NOS1: variants seen among roughly 807,000 people sequenced by gnomAD.
NOS1 encodes the protein nitric oxide synthase 1.
NOS1 carries 51 observed loss-of-function variants against 164.5 expected under a neutral mutation model. That is an observed-to-expected ratio of 0.31 (90% CI 0.25 to 0.39). NOS1 has a LOEUF of 0.39. Ranked by LOEUF, NOS1 falls within the 10% of genes least tolerant of loss-of-function variation. The pLI, the probability that NOS1 is intolerant of heterozygous loss-of-function variation, is 1.00. For missense variants in NOS1, 1,362 were observed against 1,885.6 expected (o/e 0.72, Z 5.14); for synonymous variants, 719 against 745.8 (o/e 0.96, Z 0.59).
At chr12:117,333,377 C>T (rs2136077338) in intron 1 of NOS1, among the ~76,000 whole-genome samples, 1 of 152,308 alleles carries the variant, frequency 6.6e-6, no homozygotes, top group East Asian at 1.9e-4. Context: ...CCATGACTAA[C>T]AAACTGACAC....
At chr12:117,248,487 A>G (rs1273587492) in intron 17 of NOS1, among the ~76,000 whole-genome samples, 1 of 151,482 alleles carries the variant, frequency 6.6e-6, no homozygotes, top group Admixed American at 6.6e-5. Context: ...GAGAATGATG[A>G]TTTCCAATTT....
At position 117,213,337 on chromosome 12, in the gene NOS1, T is replaced by C; in HGVS notation, c.*1972A>G. 1.0e-6 allele frequency: 1 copy of C among 985,504 alleles called. No homozygotes were observed. The highest frequency in any genetic ancestry group is 1.2e-6 in the Non-Finnish European group (1 of 829,978). 61.0% of individuals were successfully genotyped at this position (985,504 alleles called of 1,614,324 possible). ...GGGTTTGCAGGAAAGGAGTTTAGAATGGGCTTCCCTTCAGGATTAGAAGGG... is the reference window on the plus strand; with the variant it reads ...GGGTTTGCAGGAAAGGAGTTTAGAACGGGCTTCCCTTCAGGATTAGAAGGG... On this transcript the variant is annotated 3_prime_UTR_variant, in exon 29 of 29. Coordinates refer to ENST00000317775, the MANE Select transcript of NOS1 (RefSeq NM_000620.5).
chr12:117,225,133 G>T lies in NOS1; in HGVS notation c.3709C>A (p.Pro1237Thr), dbSNP rs1310060472. Residue 1237 changes from proline (P) to threonine (T), a missense_variant, in exon 25 of 29, where the codon CCC becomes ACC. Around this residue, in one of 4 missense-constraint regions of NOS1, gnomAD observed 737 missense variants for 1,030.3 expected, o/e 0.72. Transcript: ENST00000317775. ...GGGTTCCGGGGCAGGTGGAAGCTGG[G>T]TGCTCTGGGCAAGGAAGAGGGGGTC... ...ELVPCFVRGA[P>T]SFHLPRNPQV... The T allele has an allele frequency of 6.2e-7, 1 of 1,612,098 alleles. No homozygotes were observed. The highest frequency in any genetic ancestry group is 2.2e-5 in the East Asian group (1 of 44,888).
chr12:117,253,605 C>A (rs1182398588), intron 17 of NOS1, 33 bp downstream of exon 17: 3 of 1,496,758 alleles, frequency 2.0e-6, no homozygotes, highest in Non-Finnish European at 2.8e-6. Flanking sequence ...CTTAGTCTTC[C>A]CTGACCCCCG....
intron 2 of NOS1, among the ~76,000 whole-genome samples, chr12:117,320,843 G>T (rs1874882860): frequency 6.6e-6 from 1 of 152,118 alleles, no homozygotes; most frequent in South Asian, 2.1e-4. Context: ...TTCCCTAGAT[G>T]TCACATGGTT....
At position 117,243,444 on chromosome 12, in the gene NOS1, T is replaced by C. The variant is rs752818242; in HGVS notation, c.2824-9A>G. 1 of 1,613,608 alleles carries C rather than the reference T, an allele frequency of 6.2e-7. No individual in the cohort carries two copies. Among genetic ancestry groups the C allele is most frequent in the Non-Finnish European group, 8.5e-7 (1 of 1,179,780 alleles). On this transcript the variant is annotated splice_polypyrimidine_tract_variant and intron_variant, in intron 18 of 28. Coordinates refer to ENST00000317775, the MANE Select transcript of NOS1 (RefSeq NM_000620.5). This position sits in a 1 kb window ranked among gnomAD's most constrained non-coding sequence, Gnocchi z 4.3. ...AAGACATCACAGGCTGCCTGTGGTG[T>C]ACACAAGGCTTTCAGTGACCTCTTT... is the stretch of plus-strand genomic sequence containing the variant.
rs1187988854 is a variant in NOS1 at position 117,356,463 on chromosome 12, C to T, written c.-421+5049G>A. 6.6e-6 allele frequency among the ~76,000 whole-genome samples: 1 copy of T among 152,224 alleles called. No homozygotes were observed. The highest frequency in any genetic ancestry group is 1.5e-5 in the Non-Finnish European group (1 of 68,042). On this transcript the variant is annotated intron_variant, in intron 1 of 28. Coordinates refer to ENST00000317775, the MANE Select transcript of NOS1 (RefSeq NM_000620.5). This position sits in a 1 kb window ranked among gnomAD's most constrained non-coding sequence, Gnocchi z 4.2. ...CCTGGGTCCTACCACAGCACCTCAC[C>T]TCCACCTCTCTTGCAGAAACTTCAC...
At chr12:117,248,547 T>C (rs1458891320) in intron 17 of NOS1, among the ~76,000 whole-genome samples, 2 of 151,268 alleles carry the variant, frequency 1.3e-5, no homozygotes, top group African/African-American at 4.9e-5. Flanking sequence ...TATGGCTGCA[T>C]AGTATTCCAT....
chr12:117,330,758 G>C lies in NOS1; in HGVS notation c.312C>G (p.Thr104=), dbSNP rs1875503805. Residue 104 remains threonine (T), a synonymous_variant, in exon 2 of 29, where the codon ACC becomes ACG. Transcript: ENST00000317775. The surrounding 1 kb of genome is among the most constrained non-coding windows in gnomAD (Gnocchi z 4.6). ...CTGTAAAGGTGGTCTCCAGGTGCGT[G>C]GTGAAACCTTCAGGGCCCCTCAGAA... ...VLILRGPEGF[T]THLETTFTGD... 6.2e-7 allele frequency: 1 copy of C among 1,614,112 alleles called. No individual in the cohort carries two copies. The highest frequency in any genetic ancestry group is 8.5e-7 in the Non-Finnish European group (1 of 1,180,004).
At chr12:117,241,891 A>C (rs1485860555) in intron 20 of NOS1, among the ~76,000 whole-genome samples, 1 of 152,208 alleles carries the variant, frequency 6.6e-6, no homozygotes, top group Non-Finnish European at 1.5e-5. Flanking sequence ...TGAGAGTGAC[A>C]TTTCCAGCAG....
chr12:117,296,568 G>C lies in NOS1; in HGVS notation c.853-6142C>G, dbSNP rs149414761. Among the ~76,000 whole-genome samples, 5 of 152,280 alleles carry C rather than the reference G, an allele frequency of 3.3e-5. No individual in the cohort carries two copies. In the East Asian group the frequency reaches 9.6e-4, roughly 29 times the overall value. On this transcript the variant is annotated intron_variant, in intron 3 of 28. Coordinates refer to ENST00000317775, the MANE Select transcript of NOS1 (RefSeq NM_000620.5). ...TCCAAGTTCTTTAGCTTTGGGACTC[G>C]GGCTGGCTTCCTTGCTCCTCAGCTT...
intron 1 of NOS1, among the ~76,000 whole-genome samples, chr12:117,337,106 CTTTTTTTTTTTTTT>C (rs36054002): frequency 3.1e-5 from 2 of 64,326 alleles, no homozygotes; most frequent in African/African-American, 7.0e-5. Flanking sequence ...GCTTTTTACT[CTTTTTTTTTTTTTT>C]TTTTTTTTTT....
At position 117,273,573 on chromosome 12, in the gene NOS1, A is replaced by G. The variant is rs567182933; in HGVS notation, c.1665-1014T>C. On this transcript the variant is annotated intron_variant, in intron 9 of 28. Coordinates refer to ENST00000317775, the MANE Select transcript of NOS1 (RefSeq NM_000620.5). Reference sequence around the variant, plus strand: ...CCCTCTTAAGTTTACTTTTGCCATTAAAAGTAATGGCAAAAACCACAGTTA... The same window carrying G: ...CCCTCTTAAGTTTACTTTTGCCATTGAAAGTAATGGCAAAAACCACAGTTA... 2.5e-4 allele frequency among the ~76,000 whole-genome samples: 38 copies of G among 152,332 alleles called. 2 individuals are homozygous for G. Among genetic ancestry groups the G allele is most frequent in the Middle Eastern group, 6.8e-3 (2 of 294 alleles).
chr12:117,212,100 G>C lies in NOS1; in HGVS notation c.*3209C>G. ...TAGATTCTAACCTTCTGCACGAGAG[G>C]AACTGTGTTTTGCTTATCTCTGCAA... On this transcript the variant is annotated 3_prime_UTR_variant, in exon 29 of 29. Transcript: ENST00000317775. 3.0e-6 allele frequency: 3 copies of C among 984,970 alleles called. No individual in the cohort carries two copies. The highest frequency in any genetic ancestry group is 3.6e-6 in the Non-Finnish European group (3 of 829,640). 61.0% of individuals were successfully genotyped at this position (984,970 alleles called of 1,614,324 possible). A position where few individuals can be genotyped will look rare whatever the true frequency, so the allele number is the denominator to read the frequency against.
Position 117,247,379 on chromosome 12 carries a change from G to A in NOS1, c.2792C>T (p.Ala931Val), listed in dbSNP as rs1447116083. Residue 931 changes from alanine (A) to valine (V), a missense_variant, in exon 18 of 29, where the codon GCT (alanine) becomes GTT (valine). Around this residue, in one of 4 missense-constraint regions of NOS1, gnomAD observed 737 missense variants for 1,030.3 expected, o/e 0.72. Transcript: ENST00000317775. Reference protein sequence around the residue: ...EGDELCGQEEAFRTWAKKVFK... With the variant: ...EGDELCGQEEVFRTWAKKVFK... ...GACCTTCTTGGCCCAGGTCCTGAAA[G>A]CCTCTTCCTGCCCACAGAGCTCATC... 1 of 1,606,392 alleles carries A rather than the reference G, an allele frequency of 6.2e-7. No homozygotes were observed. Among genetic ancestry groups the A allele is most frequent in the Non-Finnish European group, 8.5e-7 (1 of 1,177,042 alleles).
rs537317258 is a variant in NOS1, at chr12:117,281,395, C to T, written c.1383-529G>A. ...GTCAGCTGGGTGTGGTGGCGCACGC[C>T]TGTAATCCCAGCTACTTGGGAGGCT... On this transcript the variant is annotated intron_variant, in intron 7 of 28. Transcript: ENST00000317775. Among the ~76,000 whole-genome samples the T allele has an allele frequency of 2.0e-5, 3 of 151,904 alleles. No individual in the cohort carries two copies. In the South Asian group the frequency reaches 6.2e-4, roughly 32 times the overall value.
In NOS1 at chr12:117,243,925, C is replaced by T. The variant is rs1026144009; in HGVS notation, c.2824-490G>A. Among the ~76,000 whole-genome samples, 1 of 152,158 alleles carries T rather than the reference C, an allele frequency of 6.6e-6. No homozygotes were observed. Among genetic ancestry groups the T allele is most frequent in the Non-Finnish European group, 1.5e-5 (1 of 68,030 alleles). On this transcript the variant is annotated intron_variant, in intron 18 of 28. Transcript: ENST00000317775. This position sits in a 1 kb window ranked among gnomAD's most constrained non-coding sequence, Gnocchi z 4.3. The stretch of plus-strand genomic sequence containing the variant: ...GCATGCATCCATCCATTCATCTATC[C>T]ATCCATCCATCCTATATATTTTGAG...
At chr12:117,308,714 A>G (rs1267736435) in intron 3 of NOS1, among the ~76,000 whole-genome samples, 1 of 151,512 alleles carries the variant, frequency 6.6e-6, no homozygotes, top group Non-Finnish European at 1.5e-5. Flanking sequence ...CTCCTGCCTC[A>G]GCCTCCTGAG....
At chr12:117,319,514 C>T (rs1186179781) in intron 2 of NOS1, among the ~76,000 whole-genome samples, 2 of 152,194 alleles carry the variant, frequency 1.3e-5, no homozygotes, top group East Asian at 3.9e-4. Flanking sequence ...CTAGTGAGGT[C>T]AATGTGTGGA....
Sources: gnomAD v4.1 joint callset for allele counts (sites outside exome capture counted in the v4.1 genomes callset) on GRCh38, gnomAD v4.1.1 for gene constraint, gnomAD v4.1.1 regional missense constraint, Gnocchi (gnomAD v3.1) non-coding constraint, MANE v1.5 for transcripts, NCBI Gene and HGNC (gene_info 2026-07-23, HGNC 2026-07-21) for gene names.